The following STARD13 variants were observed in gnomAD, a reference collection of about 807,000 sequenced individuals.
STARD13 encodes the protein stAR-related lipid transfer protein 13.
STARD13 carries 62 observed loss-of-function variants against 106.4 expected under a neutral mutation model. The observed-to-expected ratio is 0.58, with a 90% CI of 0.48 to 0.72. The LOEUF (loss-of-function observed/expected upper bound fraction) is 0.72. Ranked by LOEUF, STARD13 falls within the 30% of genes least tolerant of loss-of-function variation. STARD13 has a pLI of 0.00. For synonymous variants in STARD13, 565 were observed against 553.0 expected, an observed-to-expected ratio of 1.02 and a Z score of -0.31; for missense variants, 1,387 against 1,424.0, an observed-to-expected ratio of 0.97 and a Z score of 0.42.
Position 33,105,585 on chromosome 13 carries a change from G to T in STARD13, c.*8C>A. 1 of 1,591,412 alleles carries T rather than the reference G, an allele frequency of 6.3e-7. No homozygotes were observed. The highest frequency in any genetic ancestry group is 8.6e-7 in the Non-Finnish European group (1 of 1,159,216). ...CTTCCCTGAGTTTGATGTCACACTG[G>T]GCAAAACTCAGATTTTAGTTTCTGG... On this transcript the variant is annotated 3_prime_UTR_variant, in exon 14 of 14. Transcript: ENST00000336934.
the STARD13 span, among the ~76,000 whole-genome samples, chr13:33,622,025 G>C: frequency 1.3e-5 from 2 of 151,744 alleles, no homozygotes; most frequent in African/African-American, 4.8e-5. Flanking sequence ...GGCTGGTCAC[G>C]AACTCCTGAC....
At chr13:33,160,245 T>A (rs567095259) in intron 3 of STARD13, among the ~76,000 whole-genome samples, 36 of 152,170 alleles carry the variant, frequency 2.4e-4, no homozygotes, top group Non-Finnish European at 5.0e-4. Context: ...TGGACATTGA[T>A]ATACAAAAAG....
At chr13:33,499,523 TTC>T in the STARD13 span, among the ~76,000 whole-genome samples, 9,562 of 45,490 alleles carry the variant, frequency 0.21, 1,360 homozygotes, top group South Asian at 0.23. Context: ...TCTTTCTTTC[TTC>T]TTCTTCTTCT....
At chr13:33,473,317 G>A in the STARD13 span, among the ~76,000 whole-genome samples, 17 of 152,236 alleles carry the variant, frequency 1.1e-4, no homozygotes, top group African/African-American at 3.6e-4. Flanking sequence ...TTAAAAACAA[G>A]GAACTAACAT....
chr13:33,660,801 C>T, the STARD13 span, among the ~76,000 whole-genome samples: 1 of 152,178 alleles, frequency 6.6e-6, no homozygotes, highest in Non-Finnish European at 1.5e-5. Flanking sequence ...ACAGGCTGGT[C>T]TTGAACTCCT....
At chr13:33,498,627 T>G in the STARD13 span, among the ~76,000 whole-genome samples, 1 of 152,274 alleles carries the variant, frequency 6.6e-6, no homozygotes, top group Middle Eastern at 3.4e-3. Context: ...ATAACATCTT[T>G]GCAAGATAAG....
At chr13:33,554,635 A>C in the STARD13 span, among the ~76,000 whole-genome samples, 2 of 152,216 alleles carry the variant, frequency 1.3e-5, no homozygotes, top group Non-Finnish European at 2.9e-5. Flanking sequence ...TTTACGTGTT[A>C]TAAATTGTTA....
chr13:33,392,632 T>A, the STARD13 span, among the ~76,000 whole-genome samples: 1 of 152,312 alleles, frequency 6.6e-6, no homozygotes, highest in Admixed American at 6.5e-5. Context: ...ACTCCTGACC[T>A]CAGGTGATCT....
At chr13:33,290,618 A>G (rs1172116371), upstream of STARD13, among the ~76,000 whole-genome samples, 1 of 152,226 alleles carries the variant, frequency 6.6e-6, no homozygotes, top group Non-Finnish European at 1.5e-5. Flanking sequence ...GTAAGTGGTA[A>G]TAGATTTCCT....
At chr13:33,454,133 A>G in the STARD13 span, among the ~76,000 whole-genome samples, 1 of 152,238 alleles carries the variant, frequency 6.6e-6, no homozygotes, top group Non-Finnish European at 1.5e-5. Flanking sequence ...TCAATCCGTC[A>G]TCCTCCTGAT....
chr13:33,646,415 G>C, the STARD13 span, among the ~76,000 whole-genome samples: 2 of 152,224 alleles, frequency 1.3e-5, no homozygotes, highest in Non-Finnish European at 2.9e-5. Flanking sequence ...GAGAGGACAC[G>C]AAGCACTCAT....
chr13:33,527,533 G>A, the STARD13 span, among the ~76,000 whole-genome samples: 1 of 151,884 alleles, frequency 6.6e-6, no homozygotes, highest in African/African-American at 2.4e-5. Context: ...CATATAAAGA[G>A]AACTTAGGAA....
At chr13:33,668,117 G>A in the STARD13 span, among the ~76,000 whole-genome samples, 1,914 of 152,276 alleles carry the variant, frequency 0.013, 34 homozygotes, top group African/African-American at 0.042. Flanking sequence ...GCCTACTCTC[G>A]TTCAAGAGGC....
chr13:33,494,622 T>G, the STARD13 span, among the ~76,000 whole-genome samples: 1 of 152,160 alleles, frequency 6.6e-6, no homozygotes, highest in African/African-American at 2.4e-5. Context: ...AGAAGATTGC[T>G]GAAGATAGAA....
At chr13:33,170,762 C>A (rs1883866628) in intron 1 of STARD13, among the ~76,000 whole-genome samples, 2 of 152,146 alleles carry the variant, frequency 1.3e-5, no homozygotes, top group Admixed American at 1.3e-4. Flanking sequence ...ATTCCCCCAC[C>A]CTAGCTGCAG....
chr13:33,348,965 C>T, exon 2 of STARD13: 2 of 601,758 alleles, frequency 3.3e-6, no homozygotes, highest in Non-Finnish European at 6.0e-6. Flanking sequence ...TCTCAAGGTG[C>T]TATAGATTCT....
At chr13:33,465,839 T>A in the STARD13 span, among the ~76,000 whole-genome samples, 5 of 152,214 alleles carry the variant, frequency 3.3e-5, no homozygotes, top group Non-Finnish European at 7.3e-5. Context: ...ACGAGATACA[T>A]GCACTGGTAT....
intron 1 of STARD13, among the ~76,000 whole-genome samples, chr13:33,310,092 A>T (rs1893073799): frequency 6.6e-6 from 1 of 152,242 alleles, no homozygotes. Context: ...AGTTAGGAAT[A>T]CAGGGCCACA....
chr13:33,637,362 C>T, the STARD13 span, among the ~76,000 whole-genome samples: 1 of 152,182 alleles, frequency 6.6e-6, no homozygotes, highest in Non-Finnish European at 1.5e-5. Flanking sequence ...TTATTTTGAT[C>T]TTAGAAGCTG....
Sources: gnomAD v4.1 joint callset for allele counts (sites outside exome capture counted in the v4.1 genomes callset) on GRCh38, gnomAD v4.1.1 for gene constraint, MANE v1.5 for transcripts, NCBI Gene and HGNC (gene_info 2026-07-23, HGNC 2026-07-21) for gene names.